Variants in CNTNAP5 observed in about 807,000 individuals in gnomAD.
CNTNAP5 encodes the protein contactin-associated protein-like 5.
CNTNAP5 carries 72 observed loss-of-function variants against 150.2 expected under a neutral mutation model. The ratio of observed to expected loss-of-function variants is 0.48; its 90% confidence interval spans 0.40 to 0.58. The LOEUF is 0.58. Among genes scored for constraint, CNTNAP5 ranks in the 20% least tolerant of loss-of-function variants. The pLI, the probability that CNTNAP5 is intolerant of heterozygous loss-of-function variation, is 0.00. For missense variants in CNTNAP5, 1,636 were observed against 1,626.2 expected, an observed-to-expected ratio of 1.01 and a Z score of -0.10; for synonymous variants, 672 against 619.8, an observed-to-expected ratio of 1.08 and a Z score of -1.25.
intron 1 of CNTNAP5, among the ~76,000 whole-genome samples, chr2:124,100,381 A>G (rs1434191307): frequency 6.6e-6 from 1 of 152,230 alleles, no homozygotes; most frequent in East Asian, 1.9e-4. Context: ...TACAAACTAT[A>G]TCACAAACCT....
intron 13 of CNTNAP5, among the ~76,000 whole-genome samples, chr2:124,686,820 C>T (rs1274922414): frequency 1.3e-5 from 2 of 152,062 alleles, no homozygotes; most frequent in African/African-American, 4.8e-5. Context: ...TTATAAGCAC[C>T]AGAAGTTGTG....
chr2:124,791,419 A>G (rs1361557917), intron 18 of CNTNAP5, among the ~76,000 whole-genome samples: 1 of 152,202 alleles, frequency 6.6e-6, no homozygotes, highest in Non-Finnish European at 1.5e-5. Flanking sequence ...CTAAACAAGT[A>G]AAGTGCTGCT....
intron 3 of CNTNAP5, among the ~76,000 whole-genome samples, chr2:124,333,476 G>A (rs1450229471): frequency 6.6e-6 from 1 of 152,044 alleles, no homozygotes; most frequent in Non-Finnish European, 1.5e-5. Flanking sequence ...TTCCAAGAAG[G>A]TGTTTGGGTT....
intron 19 of CNTNAP5, among the ~76,000 whole-genome samples, chr2:124,802,113 C>T (rs576365731): frequency 2.0e-5 from 3 of 152,248 alleles, no homozygotes; most frequent in African/African-American, 4.8e-5. Context: ...ATCAAGTATC[C>T]GCCTCCAGGT....
chr2:124,429,174 T>G (rs1375199680), intron 4 of CNTNAP5, among the ~76,000 whole-genome samples: 1 of 152,214 alleles, frequency 6.6e-6, no homozygotes, highest in Non-Finnish European at 1.5e-5. Context: ...TGGGTCTTTA[T>G]TATTATCATT....
intron 16 of CNTNAP5, among the ~76,000 whole-genome samples, chr2:124,768,185 G>T (rs1189341777): frequency 2.0e-5 from 3 of 151,948 alleles, no homozygotes; most frequent in African/African-American, 7.3e-5. Flanking sequence ...TGTCAGAACT[G>T]AAATGTGTAA....
At chr2:124,356,175 C>A (rs1463759619) in intron 3 of CNTNAP5, among the ~76,000 whole-genome samples, 1 of 152,024 alleles carries the variant, frequency 6.6e-6, no homozygotes, top group African/African-American at 2.4e-5. Flanking sequence ...AAAATTATAA[C>A]AAATATTTTA....
At chr2:124,270,624 G>C (rs1209022832) in intron 3 of CNTNAP5, among the ~76,000 whole-genome samples, 59 of 152,160 alleles carry the variant, frequency 3.9e-4, no homozygotes, top group Non-Finnish European at 1.5e-5. Flanking sequence ...GGAGGAGAGT[G>C]AGAATGACTA....
intron 1 of CNTNAP5, among the ~76,000 whole-genome samples, chr2:124,107,346 C>T (rs374527641): frequency 1.5e-4 from 23 of 152,300 alleles, no homozygotes; most frequent in African/African-American, 4.6e-4. Flanking sequence ...TTCAAGTGAA[C>T]TTTTTGTCTC....
Position 124,083,831 on chromosome 2 carries a change from T to C in CNTNAP5, c.82+58099T>C, listed in dbSNP as rs145244268. Among the ~76,000 whole-genome samples the C allele has an allele frequency of 2.8e-4, 43 of 152,200 alleles. 1 individual carries two copies. In the East Asian group the frequency reaches 6.6e-3, roughly 23 times the overall value. On this transcript the variant is annotated intron_variant, in intron 1 of 23. Transcript: ENST00000682447. ...TTTTTTCAAAAATTGTTTCAGCTAT[T>C]CTTTTTTTGCCTTTCTATAGAAATT...
At chr2:124,883,800 G>A (rs1340361584) in intron 21 of CNTNAP5, among the ~76,000 whole-genome samples, 9 of 152,082 alleles carry the variant, frequency 5.9e-5, no homozygotes, top group East Asian at 1.9e-4. Context: ...GCATAAACAC[G>A]TGTGGGCAAC....
rs78686336 is a variant in CNTNAP5, at chr2:124,398,086, C to A, written c.382-19357C>A. On this transcript the variant is annotated intron_variant, in intron 3 of 23. Transcript: ENST00000682447. Reference sequence around the variant, plus strand: ...GCACTGTGATTTACACAAAATTCCACTGAGTTTCTGGGAACAACCATATAT... The same window carrying A: ...GCACTGTGATTTACACAAAATTCCAATGAGTTTCTGGGAACAACCATATAT... 3.3e-5 allele frequency among the ~76,000 whole-genome samples: 5 copies of A among 152,164 alleles called. No homozygotes were observed. The South Asian group carries it at 1.0e-3, about 31-fold the overall frequency.
intron 1 of CNTNAP5, among the ~76,000 whole-genome samples, chr2:124,125,248 G>A (rs947204506): frequency 6.6e-6 from 1 of 152,106 alleles, no homozygotes; most frequent in Non-Finnish European, 1.5e-5. Context: ...ACAAAAAAAA[G>A]CAAGGGTTGC....
intron 18 of CNTNAP5, among the ~76,000 whole-genome samples, chr2:124,796,650 A>T (rs1681852406): frequency 6.6e-6 from 1 of 152,224 alleles, no homozygotes; most frequent in African/African-American, 2.4e-5. Flanking sequence ...AATTTTCACA[A>T]GGTGGAACAC....
At chr2:124,457,586 G>A (rs1320286746) in intron 6 of CNTNAP5, among the ~76,000 whole-genome samples, 1 of 152,122 alleles carries the variant, frequency 6.6e-6, no homozygotes, top group African/African-American at 2.4e-5. Flanking sequence ...TGTATAGGAT[G>A]TGCAGATTTG....
At chr2:124,319,288 A>G (rs184541894) in intron 3 of CNTNAP5, among the ~76,000 whole-genome samples, 6 of 152,332 alleles carry the variant, frequency 3.9e-5, no homozygotes, top group Non-Finnish European at 5.9e-5. Flanking sequence ...TTTTCAGCAC[A>G]TTGATATGAT....
intron 11 of CNTNAP5, among the ~76,000 whole-genome samples, chr2:124,566,757 G>A (rs1234260950): frequency 3.3e-5 from 5 of 152,158 alleles, no homozygotes; most frequent in Admixed American, 3.3e-4. Context: ...CCAGTTGAAT[G>A]AGGACCATTG....
At chr2:124,041,612 C>T (rs1427229236) in intron 1 of CNTNAP5, among the ~76,000 whole-genome samples, 3 of 151,998 alleles carry the variant, frequency 2.0e-5, no homozygotes, top group Non-Finnish European at 4.4e-5. Context: ...TGTAACTTTG[C>T]CCCAGGGGAC....
chr2:124,410,728 C>G lies in CNTNAP5; in HGVS notation c.382-6715C>G, dbSNP rs111277933. Among the ~76,000 whole-genome samples the G allele has an allele frequency of 4.8e-3, 725 of 151,752 alleles. 6 individuals are homozygous for G. Among genetic ancestry groups the G allele is most frequent in the African/African-American group, 0.016 (666 of 41,416 alleles). ...CAGAATCTCTGGGACGCATTCAGAGCAGTGTGTAGAGGGAAATTTATAGCA... is the reference window on the plus strand; with the variant it reads ...CAGAATCTCTGGGACGCATTCAGAGGAGTGTGTAGAGGGAAATTTATAGCA... On this transcript the variant is annotated intron_variant, in intron 3 of 23. Transcript: ENST00000682447.
Sources: allele counts gnomAD v4.1 joint callset (sites outside exome capture counted in the v4.1 genomes callset), GRCh38; gene constraint gnomAD v4.1.1; transcripts MANE v1.5; gene names NCBI Gene and HGNC (gene_info 2026-07-23, HGNC 2026-07-21).